The following SMG5 variants were observed in gnomAD, a reference collection of about 807,000 sequenced individuals.
SMG5 encodes SMG5 nonsense mediated mRNA decay factor, also known as nonsense-mediated mRNA decay factor SMG5.
In SMG5, 53 loss-of-function variants were observed where a neutral mutation model predicts 122.9. That is an observed-to-expected ratio of 0.43 (90% CI 0.35 to 0.54). SMG5 has a LOEUF of 0.54. Among genes scored for constraint, SMG5 ranks in the 20% least tolerant of loss-of-function variants. The pLI is 0.01. For synonymous variants in SMG5, 477 were observed against 490.2 expected (o/e 0.97, Z 0.35); for missense variants, 1,153 against 1,285.6 (o/e 0.90, Z 1.58).
the SMG5 span, among the ~76,000 whole-genome samples, chr1:156,288,015 C>T: frequency 6.6e-6 from 1 of 151,794 alleles, no homozygotes; most frequent in African/African-American, 2.4e-5. Flanking sequence ...GAGATTGAGA[C>T]CATCCTGGCT....
intron 15 of SMG5, 141 bp downstream of exon 15, chr1:156,260,310 A>C: frequency 2.0e-6 from 2 of 1,025,090 alleles, no homozygotes; most frequent in Non-Finnish European, 2.8e-6. Flanking sequence ...TGAAGAAGGA[A>C]GCACAGCCTG....
In SMG5 at chr1:156,249,864, G is replaced by A; in HGVS notation, c.*723C>T. ...AGACCGTGCTGGCACAGGCCAGACTGCCTGCAGCCCTAGGTGGGGCCTGCT... is the reference window on the plus strand; with the variant it reads ...AGACCGTGCTGGCACAGGCCAGACTACCTGCAGCCCTAGGTGGGGCCTGCT... On this transcript the variant is annotated 3_prime_UTR_variant, in exon 22 of 22. Transcript: ENST00000361813. 1 of 471,250 alleles carries A rather than the reference G, an allele frequency of 2.1e-6. No homozygotes were observed. Among genetic ancestry groups the A allele is most frequent in the Non-Finnish European group, 4.4e-6 (1 of 227,074 alleles). 29.2% of individuals were successfully genotyped at this position (471,250 alleles called of 1,614,324 possible). A position where few individuals can be genotyped will look rare whatever the true frequency, so the allele number is the denominator to read the frequency against.
upstream of SMG5, chr1:156,285,890 C>T (rs988441672): frequency 3.1e-6 from 5 of 1,613,860 alleles, no homozygotes; most frequent in African/African-American, 6.7e-5. Flanking sequence ...ATATGCCTTC[C>T]TGCCGTTTGA....
At chr1:156,268,051 C>G in intron 9 of SMG5, 64 bp downstream of exon 9, 1 of 1,548,286 alleles carries the variant, frequency 6.5e-7, no homozygotes, top group Non-Finnish European at 8.8e-7. Flanking sequence ...GTCAAGGTTC[C>G]TTCTGTAAAG....
At chr1:156,285,376 G>GT, upstream of SMG5, 1 of 1,583,996 alleles carries the variant, frequency 6.3e-7, no homozygotes, top group Non-Finnish European at 8.6e-7. Flanking sequence ...TCAGAGTGGG[G>GT]TCTTCAGCTG....
chr1:156,290,208 A>G, the SMG5 span: 1 of 152,230 alleles, frequency 6.6e-6, no homozygotes, highest in African/African-American at 2.4e-5. Context: ...ACTTCAGAAA[A>G]GGGAAAAATA....
chr1:156,263,876 A>G (rs1661983854), intron 12 of SMG5, among the ~76,000 whole-genome samples: 1 of 152,210 alleles, frequency 6.6e-6, no homozygotes, highest in African/African-American at 2.4e-5. Flanking sequence ...TATTCATTCA[A>G]CTAGGATTTA....
intron 15 of SMG5, 32 bp from the exon 16 acceptor site, chr1:156,259,195 G>A (rs1208994545): frequency 9.1e-6 from 14 of 1,532,354 alleles, no homozygotes; most frequent in Non-Finnish European, 1.2e-5. Flanking sequence ...CAGCGCTGCT[G>A]AGCAGGGCCC....
chr1:156,287,496 CCTT>C (rs749937632), upstream of SMG5, among the ~76,000 whole-genome samples: 7 of 151,990 alleles, frequency 4.6e-5, no homozygotes, highest in East Asian at 1.4e-3. Flanking sequence ...AGGGTACTGT[CCTT>C]CTCTTCCTGT....
chr1:156,264,023 A>G (rs922693282), intron 12 of SMG5, among the ~76,000 whole-genome samples: 1 of 152,112 alleles, frequency 6.6e-6, no homozygotes, highest in East Asian at 1.9e-4. Flanking sequence ...TAATCCCTGC[A>G]CTTTGGGAGG....
At position 156,253,001 on chromosome 1, in the gene SMG5, G is replaced by A; in HGVS notation, c.2580C>T (p.Asp860=). The part of the protein sequence containing the change: ...QSAMSPYLVP[D]TQALCHHLPV... ...GGAGATGGTGGCAGAGGGCCTGGGT[G>A]TCAGGGACGAGGTAGGGAGACATGG... The change falls in exon 18 of 22, where the codon GAC becomes GAT. Residue 860 remains aspartate (D), a synonymous_variant. Transcript: ENST00000361813. The A allele has an allele frequency of 6.2e-7, 1 of 1,613,434 alleles. No individual in the cohort carries two copies.
At chr1:156,291,325 T>TG in the SMG5 span, 1 of 1,529,318 alleles carries the variant, frequency 6.5e-7, no homozygotes, top group South Asian at 1.1e-5. Flanking sequence ...CGTCAGCCTA[T>TG]TGCCAATCAG....
At chr1:156,271,315 C>T (rs1018224837) in intron 7 of SMG5, among the ~76,000 whole-genome samples, 1 of 152,154 alleles carries the variant, frequency 6.6e-6, no homozygotes, top group Non-Finnish European at 1.5e-5. Context: ...TGAAGACCAC[C>T]CTACTCCTTT....
chr1:156,278,076 G>C (rs1477275460), intron 2 of SMG5, 28 bp from the exon 3 acceptor site: 2 of 1,612,366 alleles, frequency 1.2e-6, no homozygotes, highest in Admixed American at 1.7e-5. Context: ...GCATGAGAGA[G>C]ACAGCCCATC....
At chr1:156,291,465 C>G in the SMG5 span, 3 of 1,613,658 alleles carry the variant, frequency 1.9e-6, no homozygotes, top group Non-Finnish European at 2.5e-6. Flanking sequence ...CCACTGCTGT[C>G]GATGCTGATG....
At chr1:156,271,566 G>GTTTTTTTTTTTTTTT (rs755111375) in intron 7 of SMG5, among the ~76,000 whole-genome samples, 1 of 82,286 alleles carries the variant, frequency 1.2e-5, no homozygotes, top group Non-Finnish European at 2.2e-5. Flanking sequence ...CCCTGAAGAG[G>GTTTTTTTTTTTTTTT]TTTTTTTTTT....
At chr1:156,256,759 T>C (rs1661594717) in intron 16 of SMG5, among the ~76,000 whole-genome samples, 1 of 151,912 alleles carries the variant, frequency 6.6e-6, no homozygotes, top group African/African-American at 2.4e-5. Context: ...CCCCCGCAAC[T>C]CCTAGTGCCC....
chr1:156,266,273 G>C lies in SMG5; in HGVS notation c.1363C>G (p.Arg455Gly). 1 of 1,614,206 alleles carries C rather than the reference G, an allele frequency of 6.2e-7. No individual in the cohort carries two copies. The highest frequency in any genetic ancestry group is 8.5e-7 in the Non-Finnish European group (1 of 1,180,044). ...GEGRKSRKFSRLSCLRRRRHP... is the reference protein window; with the variant it reads ...GEGRKSRKFSGLSCLRRRRHP... The stretch of plus-strand genomic sequence containing the variant: ...CGGCGACGGCGGAGACAGGAGAGGC[G>C]AGAGAACTTACGGCTCTTTCTGCCC... Residue 455 changes from arginine to glycine, a missense_variant, in exon 12 of 22, where the codon CGC becomes GGC. This residue lies in a region of SMG5 where 631 missense variants were observed against 650.6 expected (regional missense o/e 0.97). Coordinates refer to ENST00000361813, the MANE Select transcript of SMG5 (RefSeq NM_015327.3).
chr1:156,285,265 G>T, upstream of SMG5: 1 of 1,558,054 alleles, frequency 6.4e-7, no homozygotes, highest in Non-Finnish European at 8.6e-7. Context: ...TGGAAGTGAA[G>T]AGGTCTGATT....
Sources: gnomAD v4.1 joint callset for allele counts (sites outside exome capture counted in the v4.1 genomes callset) on GRCh38, gnomAD v4.1.1 for gene constraint, gnomAD v4.1.1 regional missense constraint, MANE v1.5 for transcripts, NCBI Gene and HGNC (gene_info 2026-07-23, HGNC 2026-07-21) for gene names.